GPC3: variants seen among roughly 807,000 people sequenced by gnomAD.
The protein encoded by GPC3 is glypican-3.
A neutral mutation model predicts 34.4 loss-of-function variants in GPC3; 3 were observed. The ratio of observed to expected loss-of-function variants is 0.09; its 90% CI spans 0.04 to 0.23. GPC3 has a LOEUF of 0.23. GPC3 is among the 10% of genes least tolerant of loss of function. The pLI is 1.00. For missense variants in GPC3, 351 were observed against 445.6 expected (o/e 0.79, Z 1.91); for synonymous variants, 177 against 174.0 (o/e 1.02, Z -0.13).
intron 1 of GPC3, among the ~76,000 whole-genome samples, chrX:133,960,989 G>C (rs1027017151): frequency 1.8e-4 from 20 of 111,872 alleles, no homozygotes; most frequent in African/African-American, 5.2e-4. Flanking sequence ...ATAGTGACTT[G>C]CTATTGGAAT....
At chrX:133,955,235 T>C (rs979437402) in intron 1 of GPC3, among the ~76,000 whole-genome samples, 3 of 111,314 alleles carry the variant, frequency 2.7e-5, no homozygotes, top group Non-Finnish European at 5.7e-5. Flanking sequence ...ATGGCAAAGA[T>C]ACTAAGTCCT....
intron 7 of GPC3, among the ~76,000 whole-genome samples, chrX:133,544,234 C>T (rs2069364310): frequency 9.0e-6 from 1 of 111,370 alleles, no homozygotes; most frequent in Admixed American, 9.6e-5. Flanking sequence ...CTGTTACAAA[C>T]AAACAAACAA....
intron 3 of GPC3, among the ~76,000 whole-genome samples, chrX:133,735,928 A>G (rs1603236410): frequency 9.5e-6 from 1 of 105,387 alleles, no homozygotes; most frequent in African/African-American, 3.5e-5. Context: ...ACACCACTGC[A>G]TTCTAGCCTG....
intron 1 of GPC3, among the ~76,000 whole-genome samples, chrX:133,962,138 C>T (rs770932801): frequency 3.6e-5 from 4 of 111,848 alleles, no homozygotes; most frequent in Admixed American, 9.5e-5. Flanking sequence ...AAGATGACTA[C>T]TCGTTATCTT....
At chrX:133,829,384 C>A (rs777379561) in intron 2 of GPC3, among the ~76,000 whole-genome samples, 2 of 112,190 alleles carry the variant, frequency 1.8e-5, no homozygotes, top group East Asian at 5.6e-4. Context: ...GACTTCAACA[C>A]TTCACTTTCA....
chrX:133,962,674 T>C (rs1342658717), intron 1 of GPC3, among the ~76,000 whole-genome samples: 1 of 111,833 alleles, frequency 8.9e-6, no homozygotes, highest in Non-Finnish European at 1.9e-5. Context: ...CTGCCTCCCC[T>C]AGTCACTTCT....
At chrX:133,873,771 G>A (rs763587382) in intron 2 of GPC3, among the ~76,000 whole-genome samples, 3 of 111,327 alleles carry the variant, frequency 2.7e-5, no homozygotes, top group Non-Finnish European at 3.8e-5. Flanking sequence ...ACAAAGATAA[G>A]CTTAAAACAG....
chrX:133,788,664 C>A (rs1305960378), intron 2 of GPC3, among the ~76,000 whole-genome samples: 2 of 107,730 alleles, frequency 1.9e-5, no homozygotes, highest in African/African-American at 6.8e-5. Flanking sequence ...CTTTTGATGC[C>A]AAAACTCTCC....
chrX:133,593,194 T>C (rs2069870576), intron 7 of GPC3, among the ~76,000 whole-genome samples: 1 of 106,979 alleles, frequency 9.3e-6, no homozygotes, highest in Non-Finnish European at 1.9e-5. Context: ...TGGGCGTGGT[T>C]GTGTGCACCT....
intron 2 of GPC3, among the ~76,000 whole-genome samples, chrX:133,815,491 G>GTT (rs2075686773): frequency 5.5e-5 from 6 of 109,456 alleles, no homozygotes; most frequent in Admixed American, 3.9e-4. Flanking sequence ...TTTTGTTTTT[G>GTT]TTTGAAGCTG....
At position 133,953,030 on chromosome X, in the gene GPC3, A is replaced by C; in HGVS notation, c.337+20T>G. ...ATGATGCCACTAAGCAGCACATCTAAAATAATCCCCAGAACTCACCTTGGA... is the reference window on the plus strand; with the variant it reads ...ATGATGCCACTAAGCAGCACATCTACAATAATCCCCAGAACTCACCTTGGA... On this transcript the variant is annotated intron_variant, in intron 2 of 7. Coordinates refer to ENST00000370818, the MANE Select transcript of GPC3 (RefSeq NM_004484.4). The C allele has an allele frequency of 8.4e-7, 1 of 1,196,436 alleles. No homozygotes were observed. The highest frequency in any genetic ancestry group is 1.1e-6 in the Non-Finnish European group (1 of 881,554).
chrX:133,669,734 C>T (rs1350649169), intron 5 of GPC3, among the ~76,000 whole-genome samples: 1 of 112,528 alleles, frequency 8.9e-6, no homozygotes, highest in Non-Finnish European at 1.9e-5. Flanking sequence ...TGAATACTAG[C>T]AAGTGGAGGA....
chrX:133,754,058 C>A lies in GPC3; in HGVS notation c.456G>T (p.Val152=), dbSNP rs1363884283. The A allele has an allele frequency of 2.5e-6, 3 of 1,204,219 alleles. No homozygotes were observed. The highest frequency in any genetic ancestry group is 3.5e-5 in the South Asian group (2 of 56,620). The change falls in exon 3 of 8, where the codon GTG becomes GTT. Residue 152 remains valine, a synonymous_variant. Coordinates refer to ENST00000370818, the MANE Select transcript of GPC3 (RefSeq NM_004484.4). ...FEFVGEFFTD[V]SLYILGSDIN... is the part of the protein sequence containing the mutation. ...TGTCAGAACCCAAGATGTAGAGAGACACATCTGTGAAAAATTCACCCACAA... is the reference window on the plus strand; with the variant it reads ...TGTCAGAACCCAAGATGTAGAGAGAAACATCTGTGAAAAATTCACCCACAA...
At chrX:133,897,739 A>G (rs1469629069) in intron 2 of GPC3, among the ~76,000 whole-genome samples, 1 of 111,013 alleles carries the variant, frequency 9.0e-6, no homozygotes, top group East Asian at 2.9e-4. Flanking sequence ...AAACCTTGAC[A>G]CCCAAGTAGG....
At chrX:133,917,676 T>G (rs957276671) in intron 2 of GPC3, among the ~76,000 whole-genome samples, 1 of 111,871 alleles carries the variant, frequency 8.9e-6, no homozygotes, top group Admixed American at 9.5e-5. Context: ...AAAAGCAGTG[T>G]TACATTTGTC....
At chrX:133,594,253 T>C (rs2069887236) in intron 7 of GPC3, among the ~76,000 whole-genome samples, 1 of 112,010 alleles carries the variant, frequency 8.9e-6, no homozygotes. Flanking sequence ...AGGAGAATGA[T>C]GGTCAGTTGA....
intron 6 of GPC3, among the ~76,000 whole-genome samples, chrX:133,622,674 A>C (rs1313172813): frequency 8.9e-6 from 1 of 111,996 alleles, no homozygotes. Flanking sequence ...ATGTGAAAAG[A>C]CCAAATCTAC....
chrX:133,575,350 A>C (rs1212091500), intron 7 of GPC3, among the ~76,000 whole-genome samples: 1 of 111,734 alleles, frequency 8.9e-6, no homozygotes, highest in Non-Finnish European at 1.9e-5. Context: ...GATAAACCTC[A>C]TTGGCTACAA....
At chrX:133,852,718 G>A (rs182762674) in intron 2 of GPC3, among the ~76,000 whole-genome samples, 195 of 111,127 alleles carry the variant, frequency 1.8e-3, no homozygotes, top group Middle Eastern at 4.6e-3. Context: ...TCCAACAGCA[G>A]CACACACGCT....
Sources: allele counts gnomAD v4.1 joint callset (sites outside exome capture counted in the v4.1 genomes callset), GRCh38; gene constraint gnomAD v4.1.1; transcripts MANE v1.5; gene names NCBI Gene and HGNC (gene_info 2026-07-23, HGNC 2026-07-21).